CEP295NL: variants seen among roughly 807,000 people sequenced by gnomAD.
CEP295NL encodes protein DDC8 homolog.
A neutral mutation model predicts 4.6 loss-of-function variants in CEP295NL; 3 were observed. That is an observed-to-expected ratio of 0.65 (90% CI 0.30 to 1.69). The LOEUF (loss-of-function observed/expected upper bound fraction) is 1.69, where lower values mean the gene tolerates loss of function less well. Among genes scored for constraint, CEP295NL ranks in the 40% most tolerant of loss-of-function variants. The pLI is 0.10. For missense variants in CEP295NL, 719 were observed against 769.0 expected (o/e 0.93, Z 0.77); for synonymous variants, 295 against 312.2 (o/e 0.94, Z 0.58).
Position 78,891,262 on chromosome 17 carries a change from C to T in CEP295NL, c.1242G>A (p.Ala414=), listed in dbSNP as rs117542112. ...GEPRSPAEEE[A]QQAASKTDLK... is the part of the protein sequence containing the mutation. The stretch of plus-strand genomic sequence containing the variant: ...AGTCGGTCTTGGACGCTGCCTGCTG[C>T]GCCTCCTCCTCTGCTGGGCTCCTGG... Residue 414 remains alanine, a synonymous_variant, in exon 3 of 3, where the codon GCG becomes GCA. Transcript: ENST00000322630. The surrounding 1 kb of genome is among the most constrained non-coding windows in gnomAD (Gnocchi z 4.5). 0.021 allele frequency: 32,512 copies of T among 1,550,596 alleles called. 438 individuals carry two copies. The highest frequency in any genetic ancestry group is 0.026 in the Middle Eastern group (156 of 5,992).
intron 2 of CEP295NL, chr17:78,897,049 G>C (rs769176870): frequency 1.2e-5 from 12 of 971,274 alleles, no homozygotes; most frequent in Non-Finnish European, 1.3e-5. Flanking sequence ...CTCACCCAGG[G>C]ACCCTCCACC....
intron 2 of CEP295NL, among the ~76,000 whole-genome samples, chr17:78,900,332 C>T (rs995269938): frequency 3.3e-5 from 5 of 152,036 alleles, no homozygotes; most frequent in South Asian, 2.1e-4. Context: ...GATCACCTCA[C>T]GACAGGAGTT....
Position 78,890,692 on chromosome 17 carries a change from C to T in CEP295NL, c.1812G>A (p.Lys604=). 1.3e-6 allele frequency: 2 copies of T among 1,550,604 alleles called. No homozygotes were observed. The highest frequency in any genetic ancestry group is 1.7e-6 in the Non-Finnish European group (2 of 1,146,984). Residue 604 remains lysine, a synonymous_variant, in exon 3 of 3, where the codon AAG becomes AAA. Transcript: ENST00000322630. ...ATTTCCGGGCTTCTTCAAGAAACTG[C>T]TTGTGCAACCTGTTTTGCTGTAAGA... ...QQILQQNRLH[K]QFLEEARKCL...
chr17:78,895,174 G>A (rs79886397), intron 2 of CEP295NL, among the ~76,000 whole-genome samples: 3,834 of 152,166 alleles, frequency 0.025, 142 homozygotes, highest in African/African-American at 0.088. Flanking sequence ...CCAGCTACTC[G>A]GGAAGCTAAG....
At position 78,891,982 on chromosome 17, in the gene CEP295NL, A is replaced by G; in HGVS notation, c.522T>C (p.Leu174=). ...CTTCCCTGCAACTCCTCTCTTCACTAAGGGCTGCTCTATGCTTCTCCTTGG... is the reference window on the plus strand; with the variant it reads ...CTTCCCTGCAACTCCTCTCTTCACTGAGGGCTGCTCTATGCTTCTCCTTGG... ...PRAKEKHRAA[L]SEERSCREEL... Residue 174 remains leucine (L), a synonymous_variant, in exon 3 of 3, where the codon CTT becomes CTC. Transcript: ENST00000322630. The surrounding 1 kb of genome is among the most constrained non-coding windows in gnomAD (Gnocchi z 4.5). 2 of 1,550,500 alleles carry G rather than the reference A, an allele frequency of 1.3e-6. No individual in the cohort carries two copies. The highest frequency in any genetic ancestry group is 1.7e-6 in the Non-Finnish European group (2 of 1,146,978).
Position 78,892,417 on chromosome 17 carries a change from C to CG in CEP295NL, c.86dup (p.Ala31GlyfsTer4), listed in dbSNP as rs2069915898. The stretch of plus-strand genomic sequence containing the variant: ...GAGTGGAGGGTTCAAGGGGCGCCCC[C>CG]GGGCCTGAGGAGCCACAGAAGCCAC... On this transcript the variant is annotated frameshift_variant, in exon 3 of 3. Transcript: ENST00000322630. LOFTEE classifies it low-confidence loss of function (END_TRUNC). 1 of 1,549,332 alleles carries CG rather than the reference C, an allele frequency of 6.5e-7. No individual in the cohort carries two copies. Among genetic ancestry groups the CG allele is most frequent in the Non-Finnish European group, 8.7e-7 (1 of 1,146,456 alleles).
At chr17:78,900,260 T>C (rs2070069643) in intron 2 of CEP295NL, 1 of 152,150 alleles carries the variant, frequency 6.6e-6, no homozygotes, top group African/African-American at 2.4e-5. Context: ...ATTGTGGTTT[T>C]TTTGGCCGGG....
At chr17:78,895,788 T>G (rs1319127605) in intron 2 of CEP295NL, among the ~76,000 whole-genome samples, 1 of 152,072 alleles carries the variant, frequency 6.6e-6, no homozygotes, top group Non-Finnish European at 1.5e-5. Flanking sequence ...AGGTCGGGGC[T>G]GCTGTGAATG....
intron 2 of CEP295NL, chr17:78,899,947 A>C (rs2070064401): frequency 6.6e-6 from 1 of 152,250 alleles, no homozygotes; most frequent in Non-Finnish European, 1.5e-5. Flanking sequence ...TCGGCCAGAG[A>C]GAGAACATTT....
chr17:78,901,028 G>A (rs569394516), intron 2 of CEP295NL: 1 of 152,582 alleles, frequency 6.6e-6, no homozygotes, highest in East Asian at 1.9e-4. Flanking sequence ...GACGCCGGCA[G>A]GCACAGCGCC....
Position 78,892,317 on chromosome 17 carries a change from T to A in CEP295NL, c.187A>T (p.Met63Leu). Residue 63 changes from methionine (M) to leucine (L), a missense_variant, in exon 3 of 3, where the codon ATG becomes TTG. By Grantham distance (15) the Met-to-Leu change is conservative. Coordinates refer to ENST00000322630, the MANE Select transcript of CEP295NL (RefSeq NM_001243540.2). Reference protein sequence around the residue: ...ADRNRNMDGAMWLSLCPDNED... With the variant: ...ADRNRNMDGALWLSLCPDNED... ...TTATCAGGACAGAGGCTCAGCCACA[T>A]GGCTCCATCCATGTTTCTGTTCCTG... 6.4e-7 allele frequency: 1 copy of A among 1,550,700 alleles called. No individual in the cohort carries two copies.
Position 78,892,247 on chromosome 17 carries a change from C to T in CEP295NL, c.257G>A (p.Arg86Gln), listed in dbSNP as rs529835189. ...CTGCAGAGCGAGATCGCCTTTGCCC[C>T]GGGCTTGTAGCAATTTGTGCTTTTT... ...WRKKHKLLQARGKGDLALQRR... is the reference protein window; with the variant it reads ...WRKKHKLLQAQGKGDLALQRR... Residue 86 changes from arginine (R) to glutamine (Q), a missense_variant, in exon 3 of 3, where the codon CGG (arginine) becomes CAG (glutamine). Physicochemically the swap from Arg to Gln is conservative, Grantham distance 43. Coordinates refer to ENST00000322630, the MANE Select transcript of CEP295NL (RefSeq NM_001243540.2). 1.7e-5 allele frequency: 27 copies of T among 1,550,938 alleles called. No homozygotes were observed. Among genetic ancestry groups the T allele is most frequent in the African/African-American group, 8.2e-5 (6 of 73,192 alleles).
rs192260355 is a variant in CEP295NL, at chr17:78,901,666, G to C, written c.44+119C>G. 64 of 711,530 alleles carry C rather than the reference G, an allele frequency of 9.0e-5. No individual in the cohort carries two copies. The African/African-American group carries it at 1.1e-3, about 12-fold the overall frequency. The allele number at this position is 711,530 out of a possible 1,614,324, so 44.1% of individuals were successfully genotyped here. ...TAGGCCAAGCGACTTCACTCTGGGTGCCTCAGTTTGCTCTTTAGGATGGGG... is the reference window on the plus strand; with the variant it reads ...TAGGCCAAGCGACTTCACTCTGGGTCCCTCAGTTTGCTCTTTAGGATGGGG... On this transcript the variant is annotated intron_variant, in intron 2 of 2. Transcript: ENST00000322630.
chr17:78,902,318 G>C (rs916571109), intron 1 of CEP295NL, among the ~76,000 whole-genome samples: 2 of 152,198 alleles, frequency 1.3e-5, no homozygotes, highest in African/African-American at 4.8e-5. Context: ...ATATTGGTCA[G>C]ACTGGTTACA....
In CEP295NL at chr17:78,890,945, A is replaced by T. The variant is rs1462829749; in HGVS notation, c.1559T>A (p.Leu520His). The change falls in exon 3 of 3, where the codon CTT (leucine) becomes CAT (histidine). Residue 520 changes from leucine (L) to histidine (H), a missense_variant. Coordinates refer to ENST00000322630, the MANE Select transcript of CEP295NL (RefSeq NM_001243540.2). ...EQRRQKQLES[L>H]EQMEHPDMSL... is the part of the protein sequence containing the mutation. ...CATATCTGGGTGTTCCATTTGTTCA[A>T]GCGATTCCAGTTGTTTTTGTCTTCT... 6.4e-7 allele frequency: 1 copy of T among 1,550,858 alleles called. No individual in the cohort carries two copies. Among genetic ancestry groups the T allele is most frequent in the African/African-American group, 1.4e-5 (1 of 73,036 alleles).
At position 78,891,933 on chromosome 17, in the gene CEP295NL, G is replaced by T; in HGVS notation, c.571C>A (p.His191Asn). ...REELGQQHPRHSRPRKTAASP... is the reference protein window; with the variant it reads ...REELGQQHPRNSRPRKTAASP... The stretch of plus-strand genomic sequence containing the variant: ...GCTGCTGTCTTCCGGGGCCTGGAGT[G>T]CCTGGGGTGTTGCTGGCCCAACTCT... The change falls in exon 3 of 3, where the codon CAC becomes AAC. Residue 191 changes from histidine (H) to asparagine (N), a missense_variant. Physicochemically the swap from His to Asn is moderately conservative, Grantham distance 68. Transcript: ENST00000322630. This position sits in a 1 kb window ranked among gnomAD's most constrained non-coding sequence, Gnocchi z 4.5. The T allele has an allele frequency of 6.4e-7, 1 of 1,550,586 alleles. No individual in the cohort carries two copies. Among genetic ancestry groups the T allele is most frequent in the Non-Finnish European group, 8.7e-7 (1 of 1,146,994 alleles).
At position 78,891,874 on chromosome 17, in the gene CEP295NL, C is replaced by G; in HGVS notation, c.630G>C (p.Thr210=). 6.4e-7 allele frequency: 1 copy of G among 1,550,658 alleles called. No homozygotes were observed. Among genetic ancestry groups the G allele is most frequent in the Non-Finnish European group, 8.7e-7 (1 of 1,147,002 alleles). ...GGGCCAGGTGAGAATTCATCCGACC[C>G]GTGGCTTTTGTAGTCTGTGGTTTCT... ...SPEKPQTTKA[T]GRMNSHLAPP... The change falls in exon 3 of 3, where the codon ACG becomes ACC. Residue 210 remains threonine, a synonymous_variant. Coordinates refer to ENST00000322630, the MANE Select transcript of CEP295NL (RefSeq NM_001243540.2). The surrounding 1 kb of genome is among the most constrained non-coding windows in gnomAD (Gnocchi z 4.5).
At chr17:78,893,132 G>GGT (rs1218791531) in intron 2 of CEP295NL, among the ~76,000 whole-genome samples, 1 of 148,080 alleles carries the variant, frequency 6.8e-6, no homozygotes, top group Non-Finnish European at 1.5e-5. Flanking sequence ...TGTGTGCAGG[G>GGT]GTGTGTGTGC....
At chr17:78,895,960 T>C (rs2069992508) in intron 2 of CEP295NL, among the ~76,000 whole-genome samples, 1 of 152,246 alleles carries the variant, frequency 6.6e-6, no homozygotes, top group Non-Finnish European at 1.5e-5. Flanking sequence ...ATGACCTCAG[T>C]GCACCCCGTG....
Sources: allele counts gnomAD v4.1 joint callset (sites outside exome capture counted in the v4.1 genomes callset), GRCh38; gene constraint gnomAD v4.1.1; non-coding constraint Gnocchi (gnomAD v3.1); transcripts MANE v1.5; gene names NCBI Gene and HGNC (gene_info 2026-07-23, HGNC 2026-07-21).